The following DLG2 variants were observed in gnomAD, a reference collection of about 807,000 sequenced individuals.
DLG2 encodes the protein discs large MAGUK scaffold protein 2, also known as disks large homolog 2.
Under a neutral mutation model 132.5 loss-of-function variants are expected in DLG2, and 45 were observed. That is an observed-to-expected ratio of 0.34 (90% CI 0.27 to 0.44). The LOEUF (loss-of-function observed/expected upper bound fraction) is 0.44, where lower values mean the gene tolerates loss of function less well. DLG2 is among the 20% of genes least tolerant of loss of function. The pLI is 1.00. For synonymous variants in DLG2, 424 were observed against 419.6 expected (o/e 1.01, Z -0.13); for missense variants, 1,045 against 1,196.9 (o/e 0.87, Z 1.87).
chr11:83,801,791 A>G (rs113032657), intron 17 of DLG2, among the ~76,000 whole-genome samples: 3 of 152,322 alleles, frequency 2.0e-5, no homozygotes, highest in Non-Finnish European at 2.9e-5. Flanking sequence ...TCCCATAAGT[A>G]GAGACCTTGA....
At chr11:84,337,089 C>T (rs558316214) in intron 7 of DLG2, among the ~76,000 whole-genome samples, 7 of 152,246 alleles carry the variant, frequency 4.6e-5, no homozygotes, top group Non-Finnish European at 8.8e-5. Flanking sequence ...TTTATATGTG[C>T]ACATTCTATG....
At chr11:84,255,759 A>G (rs2097458638) in intron 7 of DLG2, among the ~76,000 whole-genome samples, 1 of 151,988 alleles carries the variant, frequency 6.6e-6, no homozygotes, top group African/African-American at 2.4e-5. Flanking sequence ...AAAATCTAGA[A>G]CAAAATCTTT....
At chr11:84,187,703 A>G (rs185889448) in intron 8 of DLG2, among the ~76,000 whole-genome samples, 48 of 152,190 alleles carry the variant, frequency 3.2e-4, no homozygotes, top group Admixed American at 3.0e-3. Flanking sequence ...TAAAAAAAAT[A>G]AAGACTGCTT....
rs558679254 is a variant in DLG2, at chr11:85,486,510, C to T, written c.40+112147G>A. ...CCCCCAAGTACTTGAGCATGCCATC[C>T]AGAAGCCTGGAAATTTTTTAGCCCA... On this transcript the variant is annotated intron_variant, in intron 3 of 27. Transcript: ENST00000376104. Among the ~76,000 whole-genome samples the T allele has an allele frequency of 6.6e-5, 10 of 152,260 alleles. No homozygotes were observed. The South Asian group carries it at 2.1e-3, about 32-fold the overall frequency.
chr11:85,105,744 G>T (rs562619631), intron 6 of DLG2, among the ~76,000 whole-genome samples: 3 of 151,720 alleles, frequency 2.0e-5, no homozygotes, highest in Non-Finnish European at 4.4e-5. Context: ...AATAAAAATT[G>T]TATGTAGTCT....
chr11:84,784,874 T>A (rs1201419819), intron 6 of DLG2, among the ~76,000 whole-genome samples: 1 of 152,070 alleles, frequency 6.6e-6, no homozygotes, highest in East Asian at 1.9e-4. Context: ...TTTCAACAGA[T>A]CTCTTGTACA....
intron 6 of DLG2, among the ~76,000 whole-genome samples, chr11:85,102,378 A>C (rs1298119522): frequency 6.6e-6 from 1 of 152,042 alleles, no homozygotes; most frequent in Non-Finnish European, 1.5e-5. Context: ...CACTTGCAAG[A>C]AATAAGCAAC....
chr11:85,520,743 C>T (rs1005640880), intron 3 of DLG2, among the ~76,000 whole-genome samples: 8 of 151,868 alleles, frequency 5.3e-5, no homozygotes, highest in African/African-American at 1.7e-4. Flanking sequence ...GAAAAAGATG[C>T]CAAGAACATA....
intron 19 of DLG2, among the ~76,000 whole-genome samples, chr11:83,627,628 A>G (rs78094442): frequency 0.38 from 57,492 of 152,024 alleles, 13,611 homozygotes; most frequent in African/African-American, 0.68. Flanking sequence ...GGACATTTGG[A>G]TTGGTTCCAA....
At chr11:84,201,536 T>C (rs921939281) in intron 8 of DLG2, among the ~76,000 whole-genome samples, 2 of 151,736 alleles carry the variant, frequency 1.3e-5, no homozygotes, top group Non-Finnish European at 2.9e-5. Context: ...AGCTCTTCCT[T>C]GGACCTCTGG....
intron 15 of DLG2, among the ~76,000 whole-genome samples, chr11:83,926,826 A>T (rs569345036): frequency 5.4e-4 from 82 of 152,252 alleles, no homozygotes; most frequent in African/African-American, 1.9e-3. Context: ...TGGAACCAGA[A>T]TATTTTACTT....
In DLG2 at chr11:83,708,926, C is replaced by A. The variant is rs114372628; in HGVS notation, c.1826-75601G>T. Among the ~76,000 whole-genome samples the A allele has an allele frequency of 9.2e-3, 1,404 of 152,208 alleles. 27 individuals are homozygous for A. Among genetic ancestry groups the A allele is most frequent in the African/African-American group, 0.032 (1,328 of 41,536 alleles). On this transcript the variant is annotated intron_variant, in intron 18 of 27. Transcript: ENST00000376104. ...TATTTACTAGTTGAGTGATCTTGGA[C>A]AAATTATTTCCTGTGTAAATCTGTT...
intron 9 of DLG2, among the ~76,000 whole-genome samples, chr11:84,113,298 A>G (rs1209295721): frequency 6.6e-6 from 1 of 152,204 alleles, no homozygotes; most frequent in Non-Finnish European, 1.5e-5. Context: ...TGTATAGTGC[A>G]CATGGTTTTC....
In DLG2 at chr11:85,063,118, G is replaced by A. The variant is rs115216007; in HGVS notation, c.357+48543C>T. ...AGATTCCCCGCTTCAGGGTCAAAGC[G>A]CTCATTCTCGCAGCTGTTAGGAGTG... On this transcript the variant is annotated intron_variant, in intron 6 of 27. Coordinates refer to ENST00000376104, the MANE Select transcript of DLG2 (RefSeq NM_001142699.3). Among the ~76,000 whole-genome samples the A allele has an allele frequency of 5.2e-3, 796 of 151,908 alleles. 6 individuals carry two copies. The highest frequency in any genetic ancestry group is 0.018 in the African/African-American group (745 of 41,478).
At chr11:83,795,313 C>G (rs1185615079) in intron 17 of DLG2, among the ~76,000 whole-genome samples, 1 of 151,976 alleles carries the variant, frequency 6.6e-6, no homozygotes, top group Non-Finnish European at 1.5e-5. Context: ...GAGGCTGAGG[C>G]AGGAGAATGG....
chr11:83,677,031 C>T (rs1334184793), intron 18 of DLG2, among the ~76,000 whole-genome samples: 1 of 152,094 alleles, frequency 6.6e-6, no homozygotes, highest in African/African-American at 2.4e-5. Flanking sequence ...AAGTATTTTG[C>T]ATTTTTTTTG....
intron 8 of DLG2, among the ~76,000 whole-genome samples, chr11:84,236,552 C>T (rs2097160659): frequency 6.6e-6 from 1 of 152,224 alleles, no homozygotes; most frequent in Non-Finnish European, 1.5e-5. Flanking sequence ...AATTACAACT[C>T]ATAAATGGTG....
chr11:84,209,022 G>A (rs997103908), intron 8 of DLG2, among the ~76,000 whole-genome samples: 1 of 152,120 alleles, frequency 6.6e-6, no homozygotes, highest in African/African-American at 2.4e-5. Flanking sequence ...ATAGATATAT[G>A]TGTATACATA....
intron 21 of DLG2, among the ~76,000 whole-genome samples, chr11:83,511,058 CCT>C (rs1435267624): frequency 8.5e-6 from 1 of 117,916 alleles, no homozygotes; most frequent in African/African-American, 3.0e-5. Context: ...TCTCTGTCTT[CCT>C]CTCACTTGCT....
Sources: gnomAD v4.1 joint callset for allele counts (sites outside exome capture counted in the v4.1 genomes callset) on GRCh38, gnomAD v4.1.1 for gene constraint, MANE v1.5 for transcripts, NCBI Gene and HGNC (gene_info 2026-07-23, HGNC 2026-07-21) for gene names.